GLB1: variants seen among roughly 807,000 people sequenced by gnomAD.
GLB1 encodes the protein galactosidase beta 1.
Under a neutral mutation model 74.0 loss-of-function variants are expected in GLB1, and 56 were observed. That is an observed-to-expected ratio of 0.76 (90% CI 0.61 to 0.94). The LOEUF (loss-of-function observed/expected upper bound fraction) is 0.94. Ranked by LOEUF, GLB1 falls within the 40% of genes least tolerant of loss-of-function variation. The pLI is 0.00. For missense variants in GLB1, 787 were observed against 845.5 expected, an observed-to-expected ratio of 0.93 and a Z score of 0.86; for synonymous variants, 323 against 323.6, an observed-to-expected ratio of 1.00 and a Z score of 0.02.
chr3:33,042,770 T>G (rs1698559914), intron 10 of GLB1, among the ~76,000 whole-genome samples: 1 of 152,214 alleles, frequency 6.6e-6, no homozygotes, highest in South Asian at 2.1e-4. Flanking sequence ...CTGGCTGCAT[T>G]CTGCCTGGAA....
chr3:32,964,792 C>A, the GLB1 span, among the ~76,000 whole-genome samples: 1 of 152,120 alleles, frequency 6.6e-6, no homozygotes, highest in South Asian at 2.1e-4. Context: ...GTGTCCCCAC[C>A]CAAATCTCAT....
At chr3:33,027,714 G>A (rs540693034) in intron 10 of GLB1, among the ~76,000 whole-genome samples, 40 of 152,056 alleles carry the variant, frequency 2.6e-4, no homozygotes, top group Non-Finnish European at 1.8e-4. Flanking sequence ...CCTGAGAGGC[G>A]GAGGTTGCAG....
rs1698122136 is a variant in GLB1 at position 33,033,094 on chromosome 3, T to A, written c.1069-8769A>T. Reference sequence around the variant, plus strand: ...TGGTTACTTCCGTGAGTAGGTAAGTTATGAATAATGGATCATCCCTTCACC... The same window carrying A: ...TGGTTACTTCCGTGAGTAGGTAAGTAATGAATAATGGATCATCCCTTCACC... On this transcript the variant is annotated intron_variant, in intron 10 of 15. Coordinates refer to ENST00000307363, the MANE Select transcript of GLB1 (RefSeq NM_000404.4). 2.0e-5 allele frequency among the ~76,000 whole-genome samples: 3 copies of A among 152,194 alleles called. No individual in the cohort carries two copies. The South Asian group carries it at 6.2e-4, about 31-fold the overall frequency.
the GLB1 span, among the ~76,000 whole-genome samples, chr3:32,967,651 A>G: frequency 6.6e-6 from 1 of 152,214 alleles, no homozygotes; most frequent in South Asian, 2.1e-4. Context: ...CCTGAACCCC[A>G]TCGGTCTCTC....
intron 1 of GLB1, among the ~76,000 whole-genome samples, chr3:33,083,407 A>T (rs540432786): frequency 4.6e-4 from 70 of 151,718 alleles, no homozygotes; most frequent in Admixed American, 4.3e-3. Context: ...CAAAAAAAAA[A>T]AAAAAAAAAA....
intron 2 of GLB1, among the ~76,000 whole-genome samples, chr3:33,071,314 T>C (rs1385398945): frequency 2.0e-5 from 3 of 152,240 alleles, no homozygotes; most frequent in Non-Finnish European, 1.5e-5. Context: ...CCTAAGTATC[T>C]ATCTTCGGAA....
At chr3:33,059,207 G>A (rs1699344082) in intron 5 of GLB1, among the ~76,000 whole-genome samples, 1 of 149,736 alleles carries the variant, frequency 6.7e-6, no homozygotes, top group African/African-American at 2.5e-5. Flanking sequence ...TTGATGCTTT[G>A]GGGATAAAAA....
At chr3:32,984,075 T>C in the GLB1 span, among the ~76,000 whole-genome samples, 12 of 152,314 alleles carry the variant, frequency 7.9e-5, no homozygotes, top group African/African-American at 1.7e-4. Context: ...CTGTCAGATA[T>C]GTAGCTGCAA....
chr3:32,993,720 G>T (rs568587369), downstream of GLB1, among the ~76,000 whole-genome samples: 4 of 151,806 alleles, frequency 2.6e-5, no homozygotes, highest in South Asian at 8.4e-4. Context: ...TTTTTTAGTA[G>T]AGATGGGGTT....
At chr3:33,030,666 C>T (rs1290936612) in intron 10 of GLB1, 2 of 985,274 alleles carry the variant, frequency 2.0e-6, no homozygotes, top group Non-Finnish European at 2.4e-6. Flanking sequence ...GCTGTTCTCC[C>T]ATCCCCTCTT....
At chr3:33,019,408 C>T (rs1467734573) in intron 12 of GLB1, among the ~76,000 whole-genome samples, 1 of 152,132 alleles carries the variant, frequency 6.6e-6, no homozygotes, top group African/African-American at 2.4e-5. Context: ...ACATTATTAG[C>T]AGGGCTGAGC....
chr3:32,991,743 T>C (rs983549856), downstream of GLB1, among the ~76,000 whole-genome samples: 2 of 152,204 alleles, frequency 1.3e-5, no homozygotes, highest in African/African-American at 4.8e-5. Context: ...TAAGTGGCCT[T>C]AAACTTCAAG....
At chr3:32,971,452 A>C in the GLB1 span, among the ~76,000 whole-genome samples, 3 of 152,352 alleles carry the variant, frequency 2.0e-5, no homozygotes, top group Admixed American at 6.5e-5. Context: ...AGCTGAAAAC[A>C]TAGCTGGCAG....
intron 15 of GLB1, among the ~76,000 whole-genome samples, chr3:33,001,232 T>C (rs1372118546): frequency 2.7e-5 from 4 of 149,028 alleles, no homozygotes; most frequent in Non-Finnish European, 1.5e-5. Flanking sequence ...TCTCTCTCTC[T>C]CTCACTCTTA....
intron 14 of GLB1, among the ~76,000 whole-genome samples, chr3:33,015,205 T>C (rs1246726138): frequency 2.0e-5 from 3 of 152,058 alleles, no homozygotes; most frequent in African/African-American, 2.4e-5. Context: ...TACAAAGGAA[T>C]AGTCATCCCA....
chr3:32,996,698 A>G lies in GLB1; in HGVS notation c.*347T>C. 3 of 343,986 alleles carry G rather than the reference A, an allele frequency of 8.7e-6. No homozygotes were observed. Among genetic ancestry groups the G allele is most frequent in the South Asian group, 7.6e-5 (3 of 39,648 alleles). The allele number at this position is 343,986 out of a possible 1,614,324, so 21.3% of individuals were successfully genotyped here. A position where few individuals can be genotyped will look rare whatever the true frequency, so the allele number is the denominator to read the frequency against. On this transcript the variant is annotated 3_prime_UTR_variant, in exon 16 of 16. Coordinates refer to ENST00000307363, the MANE Select transcript of GLB1 (RefSeq NM_000404.4). Reference sequence around the variant, plus strand: ...TGATTTAAGTCAGACCATATAATTCAATACCTGCACATTAAAAACAGTGAC... The same window carrying G: ...TGATTTAAGTCAGACCATATAATTCGATACCTGCACATTAAAAACAGTGAC...
At chr3:33,018,285 CAAAAAAAAAAAAAAAAAAAAAA>C (rs57833238) in intron 13 of GLB1, among the ~76,000 whole-genome samples, 141 bp downstream of exon 13, 14 of 41,994 alleles carry the variant, frequency 3.3e-4, no homozygotes, top group African/African-American at 1.7e-3. Context: ...AACCCTGTCT[CAAAAAAAAAAAAAAAAAAAAAA>C]AAAAAAAAAA....
the GLB1 span, among the ~76,000 whole-genome samples, chr3:32,961,473 C>G: frequency 6.6e-6 from 1 of 152,148 alleles, no homozygotes; most frequent in South Asian, 2.1e-4. Context: ...CTCCTGGCCC[C>G]AGTTTGGTTC....
chr3:33,030,711 C>T (rs1697967985), intron 10 of GLB1: 2 of 985,282 alleles, frequency 2.0e-6, no homozygotes, highest in African/African-American at 1.7e-5. Flanking sequence ...TTGGGAATCC[C>T]AGAATCCACT....
Sources: allele counts gnomAD v4.1 joint callset (sites outside exome capture counted in the v4.1 genomes callset), GRCh38; gene constraint gnomAD v4.1.1; transcripts MANE v1.5; gene names NCBI Gene and HGNC (gene_info 2026-07-23, HGNC 2026-07-21).